The following ST6GALNAC3 variants were observed in gnomAD, a reference collection of about 807,000 sequenced individuals.
The protein encoded by ST6GALNAC3 is ST6 N-acetylgalactosaminide alpha-2,6-sialyltransferase 3, also known as alpha-N-acetylgalactosaminide alpha-2,6-sialyltransferase 3.
ST6GALNAC3 carries 25 observed loss-of-function variants against 32.7 expected under a neutral mutation model. The observed-to-expected ratio is 0.76, with a 90% confidence interval of 0.56 to 1.07. ST6GALNAC3 has a LOEUF of 1.07. Ranked by LOEUF, ST6GALNAC3 falls within the 50% of genes least tolerant of loss-of-function variation. The pLI is 0.00. For missense variants in ST6GALNAC3, 355 were observed against 382.4 expected (o/e 0.93, Z 0.60); for synonymous variants, 129 against 133.1 (o/e 0.97, Z 0.21).
At chr1:76,397,226 T>C (rs1653034600) in intron 2 of ST6GALNAC3, among the ~76,000 whole-genome samples, 1 of 152,142 alleles carries the variant, frequency 6.6e-6, no homozygotes, top group African/African-American at 2.4e-5. Flanking sequence ...CTTCCAATAC[T>C]AAAGATCACA....
chr1:76,548,359 A>G (rs1028086691), intron 3 of ST6GALNAC3, among the ~76,000 whole-genome samples: 1 of 152,198 alleles, frequency 6.6e-6, no homozygotes, highest in African/African-American at 2.4e-5. Flanking sequence ...ACTTGCTTGA[A>G]GTCCATAAGC....
At chr1:76,621,376 A>T (rs1426956355) in intron 3 of ST6GALNAC3, among the ~76,000 whole-genome samples, 2 of 151,996 alleles carry the variant, frequency 1.3e-5, no homozygotes, top group Non-Finnish European at 2.9e-5. Flanking sequence ...CCACAGAATG[A>T]TGTTTTTATT....
At chr1:76,190,895 G>A (rs1366302536) in intron 1 of ST6GALNAC3, among the ~76,000 whole-genome samples, 1 of 152,190 alleles carries the variant, frequency 6.6e-6, no homozygotes, top group Non-Finnish European at 1.5e-5. Context: ...AAAAGTGGAA[G>A]TGAAATTAGA....
chr1:76,497,598 G>A (rs924128296), intron 3 of ST6GALNAC3, among the ~76,000 whole-genome samples: 1 of 152,120 alleles, frequency 6.6e-6, no homozygotes, highest in Non-Finnish European at 1.5e-5. Context: ...TATTGAGTTC[G>A]TGTTCTCCTC....
chr1:76,401,038 A>G (rs1653375388), intron 2 of ST6GALNAC3, among the ~76,000 whole-genome samples: 1 of 152,142 alleles, frequency 6.6e-6, no homozygotes, highest in African/African-American at 2.4e-5. Context: ...TAATGTTTAC[A>G]TGTGGATTTA....
intron 1 of ST6GALNAC3, among the ~76,000 whole-genome samples, chr1:76,176,576 T>A (rs1207680301): frequency 6.6e-6 from 1 of 152,180 alleles, no homozygotes; most frequent in Non-Finnish European, 1.5e-5. Flanking sequence ...CCACCAGCAT[T>A]AGCTTATAGA....
intron 1 of ST6GALNAC3, among the ~76,000 whole-genome samples, chr1:76,147,569 C>T (rs1391919439): frequency 6.6e-6 from 1 of 152,164 alleles, no homozygotes; most frequent in African/African-American, 2.4e-5. Flanking sequence ...TTTACCCCTC[C>T]CAATATTCTA....
At chr1:76,602,391 T>C (rs1647275927) in intron 3 of ST6GALNAC3, among the ~76,000 whole-genome samples, 1 of 151,702 alleles carries the variant, frequency 6.6e-6, no homozygotes, top group Admixed American at 6.6e-5. Context: ...TGTGGGTGGG[T>C]GAAAAAAGTG....
intron 2 of ST6GALNAC3, among the ~76,000 whole-genome samples, chr1:76,357,436 A>T (rs151297459): frequency 1.3e-5 from 2 of 152,052 alleles, no homozygotes; most frequent in African/African-American, 4.8e-5. Context: ...CCTAGCACTC[A>T]TCTTCACATC....
chr1:76,375,036 T>A (rs1220275547), intron 2 of ST6GALNAC3, among the ~76,000 whole-genome samples: 1 of 152,142 alleles, frequency 6.6e-6, no homozygotes, highest in Non-Finnish European at 1.5e-5. Context: ...GGTTGCAAAT[T>A]CCAAAAACTT....
chr1:76,092,543 T>C (rs1647062865), intron 1 of ST6GALNAC3, among the ~76,000 whole-genome samples: 1 of 152,180 alleles, frequency 6.6e-6, no homozygotes, highest in Admixed American at 6.5e-5. Context: ...GGTGCTATTA[T>C]TGTGTCCATT....
At chr1:76,637,110 T>G (rs1034593613), downstream of ST6GALNAC3, 3 of 152,198 alleles carry the variant, frequency 2.0e-5, no homozygotes, top group African/African-American at 7.2e-5. Context: ...ACCAGCCACC[T>G]TACACCATGC....
intron 3 of ST6GALNAC3, among the ~76,000 whole-genome samples, chr1:76,492,042 C>T (rs1308217678): frequency 6.6e-6 from 1 of 152,198 alleles, no homozygotes; most frequent in Non-Finnish European, 1.5e-5. Context: ...CCTGTGGCAT[C>T]AGCAGCATAT....
At chr1:76,563,434 A>G (rs1324948140) in intron 3 of ST6GALNAC3, among the ~76,000 whole-genome samples, 2 of 152,172 alleles carry the variant, frequency 1.3e-5, no homozygotes, top group East Asian at 3.9e-4. Context: ...TGCTTCTGAC[A>G]CTTTCTTTAA....
chr1:76,105,209 T>A (rs948532631), intron 1 of ST6GALNAC3, among the ~76,000 whole-genome samples: 1 of 6,130 alleles, frequency 1.6e-4, no homozygotes, highest in South Asian at 0.5. Flanking sequence ...ATCAAGATTT[T>A]GTCACAATTT....
At chr1:76,192,397 G>A (rs1368497668) in intron 1 of ST6GALNAC3, among the ~76,000 whole-genome samples, 6 of 152,174 alleles carry the variant, frequency 3.9e-5, no homozygotes, top group African/African-American at 1.4e-4. Context: ...ATCAAGAGCT[G>A]CTCTCTAGTC....
chr1:76,156,425 TTC>T (rs1180300038), intron 1 of ST6GALNAC3, among the ~76,000 whole-genome samples: 8 of 152,212 alleles, frequency 5.3e-5, no homozygotes, highest in Non-Finnish European at 8.8e-5. Flanking sequence ...CACAGAAAAT[TTC>T]TCTCTTCTTC....
At chr1:76,127,745 G>T (rs1649346264) in intron 1 of ST6GALNAC3, among the ~76,000 whole-genome samples, 1 of 152,086 alleles carries the variant, frequency 6.6e-6, no homozygotes, top group African/African-American at 2.4e-5. Context: ...TGATAAAAGG[G>T]CTGACTGCCC....
chr1:76,268,397 G>C (rs1416083625), intron 1 of ST6GALNAC3, among the ~76,000 whole-genome samples: 1 of 152,176 alleles, frequency 6.6e-6, no homozygotes, highest in South Asian at 2.1e-4. Flanking sequence ...GATGCAGTGT[G>C]TTTCACTGGG....
Sources: gnomAD v4.1 joint callset for allele counts (sites outside exome capture counted in the v4.1 genomes callset) on GRCh38, gnomAD v4.1.1 for gene constraint, MANE v1.5 for transcripts, NCBI Gene and HGNC (gene_info 2026-07-23, HGNC 2026-07-21) for gene names.